RAP1GAP: variants seen among roughly 807,000 people sequenced by gnomAD.
RAP1GAP encodes RAP1 GTPase activating protein.
Under a neutral mutation model 87.2 loss-of-function variants are expected in RAP1GAP, and 35 were observed. The observed-to-expected ratio is 0.40, with a 90% CI of 0.31 to 0.53. RAP1GAP has a LOEUF of 0.53. RAP1GAP is among the 20% of genes least tolerant of loss of function. RAP1GAP has a pLI of 0.48. For missense variants in RAP1GAP, 734 were observed against 898.9 expected, an observed-to-expected ratio of 0.82 and a Z score of 2.35; for synonymous variants, 375 against 363.9, an observed-to-expected ratio of 1.03 and a Z score of -0.35.
rs1044540386 is a variant in RAP1GAP, at chr1:21,613,483, G to A, written c.474+145C>T. ...CACGTGGCAGCCCAAGACACGATGG[G>A]AACAAGTGAGAGACAGCCTCAGGAT... On this transcript the variant is annotated intron_variant, in intron 9 of 24. Coordinates refer to ENST00000374765, the MANE Select transcript of RAP1GAP (RefSeq NM_002885.4). The surrounding 1 kb of genome is among the most constrained non-coding windows in gnomAD (Gnocchi z 4.7). 1 of 841,376 alleles carries A rather than the reference G, an allele frequency of 1.2e-6. No homozygotes were observed. Among genetic ancestry groups the A allele is most frequent in the Non-Finnish European group, 2.0e-6 (1 of 510,686 alleles). The allele number at this position is 841,376 out of a possible 1,614,324, so 52.1% of individuals were successfully genotyped here. A position where few individuals can be genotyped will look rare whatever the true frequency, so the allele number is the denominator to read the frequency against.
Position 21,626,406 on chromosome 1 carries a change from GAA to G in RAP1GAP, c.-112-11_-112-10del, listed in dbSNP as rs2092063263. On this transcript the variant is annotated splice_polypyrimidine_tract_variant and intron_variant, in intron 2 of 24. Coordinates refer to ENST00000374765, the MANE Select transcript of RAP1GAP (RefSeq NM_002885.4). ...TCTGCCCATCGCTCCTCCTGGAAGAGAAAGAGTCTGAGGTCAGGGAGAGCCCC... is the reference window on the plus strand; with the variant it reads ...TCTGCCCATCGCTCCTCCTGGAAGAGAGAGTCTGAGGTCAGGGAGAGCCCC... 4.4e-6 allele frequency: 7 copies of G among 1,605,090 alleles called. No individual in the cohort carries two copies. Among genetic ancestry groups the G allele is most frequent in the South Asian group, 1.1e-5 (1 of 90,932 alleles).
chr1:21,626,908 A>T (rs760096284), intron 2 of RAP1GAP: 31 of 456,688 alleles, frequency 6.8e-5, no homozygotes, highest in Non-Finnish European at 1.4e-4. Flanking sequence ...GCCCGAGGGC[A>T]TGGCCTCCTC....
chr1:21,629,722 T>G (rs566720978), intron 2 of RAP1GAP, among the ~76,000 whole-genome samples: 2 of 152,332 alleles, frequency 1.3e-5, no homozygotes, highest in Non-Finnish European at 2.9e-5. Context: ...GCCGGGCGTC[T>G]TGCATAATCT....
chr1:21,659,394 G>C (rs1386813387), intron 1 of RAP1GAP, among the ~76,000 whole-genome samples: 2 of 152,298 alleles, frequency 1.3e-5, no homozygotes, highest in African/African-American at 4.8e-5. Flanking sequence ...CCCAGTCACC[G>C]GCCGCGCGCT....
chr1:21,657,639 C>A (rs1265436660), intron 1 of RAP1GAP, among the ~76,000 whole-genome samples: 4 of 152,212 alleles, frequency 2.6e-5, no homozygotes, highest in Non-Finnish European at 5.9e-5. Context: ...GGGCGTGGCC[C>A]TCCCAGCCCA....
Position 21,613,837 on chromosome 1 carries a change from T to A in RAP1GAP, c.396-131A>T. ...CCAGAGGTGATGATGGGTGTCAGGCTGACTCGGGTACTAACTTGCTGTGCA... is the reference window on the plus strand; with the variant it reads ...CCAGAGGTGATGATGGGTGTCAGGCAGACTCGGGTACTAACTTGCTGTGCA... On this transcript the variant is annotated intron_variant, in intron 8 of 24. Transcript: ENST00000374765. The surrounding 1 kb of genome is among the most constrained non-coding windows in gnomAD (Gnocchi z 4.7). The A allele has an allele frequency of 8.7e-7, 1 of 1,149,890 alleles. No individual in the cohort carries two copies. Among genetic ancestry groups the A allele is most frequent in the Non-Finnish European group, 1.3e-6 (1 of 780,622 alleles). 71.2% of individuals were successfully genotyped at this position (1,149,890 alleles called of 1,614,324 possible).
chr1:21,660,353 T>TATATATATATATAGAGAGAGAGAGA, intron 1 of RAP1GAP, among the ~76,000 whole-genome samples: 2 of 26,816 alleles, frequency 7.5e-5, no homozygotes, highest in Non-Finnish European at 1.7e-4. Flanking sequence ...ATATATTTAT[T>TATATATATATATAGAGAGAGAGAGA]GAGACAGTCT....
chr1:21,610,670 A>G (rs1281314566), intron 13 of RAP1GAP, among the ~76,000 whole-genome samples: 1 of 152,156 alleles, frequency 6.6e-6, no homozygotes, highest in African/African-American at 2.4e-5. Context: ...AGCTATAATG[A>G]GCTTGGGGAC....
Position 21,599,545 on chromosome 1 carries a change from G to A in RAP1GAP, c.1725C>T (p.Phe575=), listed in dbSNP as rs1166132449. ...FSRSSSSASS[F]ASVVEETEGV... is the part of the protein sequence containing the mutation. ...CCTCCGTCTCCTCCACCACGCTGGC[G>A]AAGCTGCTGGCACTGGACGAGGAGC... Residue 575 remains phenylalanine, a synonymous_variant, in exon 21 of 25, where the codon TTC becomes TTT. Transcript: ENST00000374765. 64 of 1,609,626 alleles carry A rather than the reference G, an allele frequency of 4.0e-5. No individual in the cohort carries two copies. The highest frequency in any genetic ancestry group is 6.7e-5 in the Admixed American group (4 of 59,996).
At chr1:21,608,189 C>G (rs2076046007) in intron 17 of RAP1GAP, 24 bp downstream of exon 17, 1 of 1,611,714 alleles carries the variant, frequency 6.2e-7, no homozygotes, top group Non-Finnish European at 8.5e-7. Flanking sequence ...TGCTCCCCGG[C>G]CAGTTAGACC....
At chr1:21,618,867 GC>G (rs2084297881) in intron 5 of RAP1GAP, among the ~76,000 whole-genome samples, 157 bp downstream of exon 5, 1 of 152,084 alleles carries the variant, frequency 6.6e-6, no homozygotes, top group Non-Finnish European at 1.5e-5. Flanking sequence ...GGTCTACCCT[GC>G]TAGAAGCTGT....
intron 2 of RAP1GAP, among the ~76,000 whole-genome samples, chr1:21,638,017 G>A (rs2095061433): frequency 6.7e-6 from 1 of 150,334 alleles, no homozygotes; most frequent in South Asian, 2.1e-4. Flanking sequence ...CGGGTATGGT[G>A]GTGCATGCCT....
chr1:21,640,491 T>C (rs2095419042), intron 2 of RAP1GAP, among the ~76,000 whole-genome samples: 1 of 152,188 alleles, frequency 6.6e-6, no homozygotes, highest in Non-Finnish European at 1.5e-5. Context: ...ATGATGAAGC[T>C]GTCTCTACAA....
At chr1:21,624,063 G>C (rs926288392) in intron 3 of RAP1GAP, among the ~76,000 whole-genome samples, 1 of 152,186 alleles carries the variant, frequency 6.6e-6, no homozygotes, top group Non-Finnish European at 1.5e-5. Flanking sequence ...TATATTTACA[G>C]ACCAGTGGCT....
rs1438734240 is a variant in RAP1GAP, at chr1:21,613,972, C to T, written c.395+14G>A. 3 of 1,573,870 alleles carry T rather than the reference C, an allele frequency of 1.9e-6. No homozygotes were observed. The highest frequency in any genetic ancestry group is 1.3e-5 in the African/African-American group (1 of 74,238). On this transcript the variant is annotated intron_variant, in intron 8 of 24. Coordinates refer to ENST00000374765, the MANE Select transcript of RAP1GAP (RefSeq NM_002885.4). This position sits in a 1 kb window ranked among gnomAD's most constrained non-coding sequence, Gnocchi z 4.7. ...GCCCTTCCTGCCATCTCAGGACTCC[C>T]CCACCACCCTCACCTGAGCAGCAGC...
Position 21,597,726 on chromosome 1 carries a change from G to A in RAP1GAP, c.1986C>T (p.Gly662=). The A allele has an allele frequency of 1.9e-6, 3 of 1,613,782 alleles. No individual in the cohort carries two copies. The highest frequency in any genetic ancestry group is 2.5e-6 in the Non-Finnish European group (3 of 1,179,748). The change falls in exon 24 of 25, where the codon GGC becomes GGT. Residue 662 remains glycine, a splice_region_variant and synonymous_variant. Transcript: ENST00000374765. ...EASEQHMPQL[G]C is the part of the protein sequence containing the mutation. ...TTCAGAGGGGGTGGCCCGGCTAACA[G>A]CCCTGCAGACAGACAGTGGTGGTGA...
In RAP1GAP at chr1:21,597,726, GC is replaced by G; in HGVS notation, c.1985del (p.Gly662AlafsTer111). On this transcript the variant is annotated frameshift_variant and splice_region_variant, in exon 24 of 25. Coordinates refer to ENST00000374765, the MANE Select transcript of RAP1GAP (RefSeq NM_002885.4). LOFTEE classifies it high-confidence loss of function. ...EASEQHMPQL[G>X]C ...TTCAGAGGGGGTGGCCCGGCTAACA[GC>G]CCTGCAGACAGACAGTGGTGGTGAG... 1 of 1,613,782 alleles carries G rather than the reference GC, an allele frequency of 6.2e-7. No individual in the cohort carries two copies. Among genetic ancestry groups the G allele is most frequent in the Non-Finnish European group, 8.5e-7 (1 of 1,179,748 alleles).
At chr1:21,647,190 G>C (rs1429174832) in intron 2 of RAP1GAP, among the ~76,000 whole-genome samples, 3 of 152,170 alleles carry the variant, frequency 2.0e-5, no homozygotes, top group Non-Finnish European at 2.9e-5. Flanking sequence ...AGAAAGTGGG[G>C]GCTAAGTTGA....
rs1396839374 is a variant in RAP1GAP at position 21,669,246 on chromosome 1, G to C, written c.-149+8C>G. On this transcript the variant is annotated splice_region_variant and intron_variant, in intron 1 of 24. Coordinates refer to ENST00000374765, the MANE Select transcript of RAP1GAP (RefSeq NM_002885.4). This position sits in a 1 kb window ranked among gnomAD's most constrained non-coding sequence, Gnocchi z 5.6. ...TCCAGGGCCGCAGCCCTGGCGGGGC[G>C]CACTCACCCAAGGGCCTGGGCCGGG... 1.6e-6 allele frequency: 2 copies of C among 1,250,818 alleles called. No individual in the cohort carries two copies. The highest frequency in any genetic ancestry group is 2.1e-6 in the Non-Finnish European group (2 of 972,770). The allele number at this position is 1,250,818 out of a possible 1,614,324, so 77.5% of individuals were successfully genotyped here.
Sources: allele counts gnomAD v4.1 joint callset (sites outside exome capture counted in the v4.1 genomes callset), GRCh38; gene constraint gnomAD v4.1.1; non-coding constraint Gnocchi (gnomAD v3.1); transcripts MANE v1.5; gene names NCBI Gene and HGNC (gene_info 2026-07-23, HGNC 2026-07-21).